The following FAT4 variants were observed in gnomAD, a reference collection of about 807,000 sequenced individuals.
FAT4 encodes protocadherin Fat 4.
Under a neutral mutation model 303.9 loss-of-function variants are expected in FAT4, and 84 were observed. The observed-to-expected ratio is 0.28, with a 90% CI of 0.23 to 0.33. FAT4 has a LOEUF of 0.33. FAT4 is among the 10% of genes least tolerant of loss of function. FAT4 has a pLI of 1.00. For missense variants in FAT4, 6,005 were observed against 6,146.8 expected (o/e 0.98, Z 0.77); for synonymous variants, 2,307 against 2,298.8 (o/e 1.00, Z -0.10).
chr4:125,373,691 A>G (rs144631528), intron 2 of FAT4, among the ~76,000 whole-genome samples: 194 of 152,260 alleles, frequency 1.3e-3, no homozygotes, highest in Non-Finnish European at 2.1e-3. Context: ...AAACCCTATG[A>G]CTGAGGTACT....
intron 2 of FAT4, among the ~76,000 whole-genome samples, chr4:125,348,577 G>A (rs1037785549): frequency 6.6e-6 from 1 of 151,580 alleles, no homozygotes; most frequent in South Asian, 2.1e-4. Context: ...GACCACTCAA[G>A]GTAGTACACT....
intron 2 of FAT4, among the ~76,000 whole-genome samples, chr4:125,339,751 G>A (rs1046690212): frequency 6.6e-6 from 1 of 152,120 alleles, no homozygotes; most frequent in African/African-American, 2.4e-5. Context: ...CAATTAGGAA[G>A]ACCTAGAGCC....
chr4:125,409,073 T>C (rs1734740121), intron 5 of FAT4, among the ~76,000 whole-genome samples: 1 of 152,140 alleles, frequency 6.6e-6, no homozygotes, highest in Non-Finnish European at 1.5e-5. Context: ...TTTAGCAATG[T>C]AGAAGTCATA....
At chr4:125,355,859 G>T (rs1200193773) in intron 2 of FAT4, among the ~76,000 whole-genome samples, 3 of 151,882 alleles carry the variant, frequency 2.0e-5, no homozygotes, top group Non-Finnish European at 4.4e-5. Flanking sequence ...TTTCTATAGG[G>T]CCAGAAGCCA....
chr4:125,455,181 G>A (rs977062618), intron 10 of FAT4, among the ~76,000 whole-genome samples: 13 of 152,058 alleles, frequency 8.5e-5, no homozygotes, highest in African/African-American at 2.9e-4. Context: ...TCACACTTAG[G>A]TTTAGATTGA....
rs377282354 is a variant in FAT4, at chr4:125,317,881, G to A, written c.1470G>A (p.Pro490=). The A allele has an allele frequency of 2.2e-5, 35 of 1,614,028 alleles. No individual in the cohort carries two copies. In the African/African-American group the frequency reaches 3.6e-4, roughly 17 times the overall value. Residue 490 remains proline (P), a synonymous_variant, in exon 2 of 18, where the codon CCG becomes CCA. Transcript: ENST00000394329. The surrounding 1 kb of genome is among the most constrained non-coding windows in gnomAD (Gnocchi z 7.0). ...YRVNLSEEAP[P]GSYVSGISAT... ...TGAACCTGAGCGAGGAGGCGCCTCC[G>A]GGAAGCTATGTGAGTGGGATATCTG...
intron 5 of FAT4, among the ~76,000 whole-genome samples, chr4:125,410,599 T>C (rs1734802301): frequency 6.6e-6 from 1 of 152,170 alleles, no homozygotes; most frequent in African/African-American, 2.4e-5. Context: ...ATGTTTCTTT[T>C]TGATTTATTA....
chr4:125,449,069 C>A lies in FAT4; in HGVS notation c.8059C>A (p.Arg2687=). The A allele has an allele frequency of 6.2e-7, 1 of 1,613,746 alleles. No individual in the cohort carries two copies. Among genetic ancestry groups the A allele is most frequent in the Non-Finnish European group, 8.5e-7 (1 of 1,179,844 alleles). The change falls in exon 10 of 18, where the codon CGA becomes AGA. Residue 2687 remains arginine, a synonymous_variant. Coordinates refer to ENST00000394329, the MANE Select transcript of FAT4 (RefSeq NM_001291303.3). Reference sequence around the variant, plus strand: ...TGAAATATTGGAAAACCTTTCCCCTCGAAAAATACTTACTGTTTCGGCAAT... The same window carrying A: ...TGAAATATTGGAAAACCTTTCCCCTAGAAAAATACTTACTGTTTCGGCAAT... The part of the protein sequence containing the change: ...ISEILENLSP[R]KILTVSAMDK...
intron 2 of FAT4, among the ~76,000 whole-genome samples, chr4:125,347,896 GT>G (rs1012680999): frequency 6.6e-6 from 1 of 151,754 alleles, no homozygotes; most frequent in African/African-American, 2.4e-5. Context: ...TTTATCAGTT[GT>G]TAAGAGTTAG....
chr4:125,377,678 A>T (rs1159002048), intron 2 of FAT4, among the ~76,000 whole-genome samples: 1 of 152,158 alleles, frequency 6.6e-6, no homozygotes, highest in Non-Finnish European at 1.5e-5. Context: ...TATAGGTAAA[A>T]TATGTTTTTC....
chr4:125,383,288 C>T (rs28615956), intron 2 of FAT4, among the ~76,000 whole-genome samples: 277 of 152,204 alleles, frequency 1.8e-3, no homozygotes, highest in African/African-American at 6.4e-3. Context: ...CACATGAACA[C>T]TTAGAGGCCA....
At chr4:125,384,398 T>A (rs1733659135) in intron 2 of FAT4, among the ~76,000 whole-genome samples, 1 of 152,234 alleles carries the variant, frequency 6.6e-6, no homozygotes, top group African/African-American at 2.4e-5. Context: ...AATTTTCATA[T>A]CTCAAATGAC....
Position 125,318,950 on chromosome 4 carries a change from C to G in FAT4, c.2539C>G (p.Gln847Glu). The change falls in exon 2 of 18, where the codon CAG becomes GAG. Residue 847 changes from glutamine to glutamate, a missense_variant. Coordinates refer to ENST00000394329, the MANE Select transcript of FAT4 (RefSeq NM_001291303.3). The stretch of plus-strand genomic sequence containing the variant: ...GTTTGCTATCAACCAGGTCACTGGG[C>G]AGCTTACCACAGCAAATGTGATTGA... Reference protein sequence around the residue: ...GMFAINQVTGQLTTANVIDRE... With the variant: ...GMFAINQVTGELTTANVIDRE... 1.6e-5 allele frequency: 26 copies of G among 1,614,160 alleles called. No individual in the cohort carries two copies. The highest frequency in any genetic ancestry group is 2.1e-5 in the Non-Finnish European group (25 of 1,180,028).
intron 2 of FAT4, among the ~76,000 whole-genome samples, chr4:125,366,247 C>G (rs1335793465): frequency 6.6e-6 from 1 of 152,142 alleles, no homozygotes; most frequent in African/African-American, 2.4e-5. Flanking sequence ...GCTCTCCCTC[C>G]TCCCATCCTC....
At chr4:125,401,526 T>C (rs1166236280) in intron 3 of FAT4, among the ~76,000 whole-genome samples, 1 of 151,932 alleles carries the variant, frequency 6.6e-6, no homozygotes, top group African/African-American at 2.4e-5. Flanking sequence ...AAATTATTTA[T>C]ATACTTTTCA....
At chr4:125,413,109 CA>C (rs1734909204) in intron 5 of FAT4, among the ~76,000 whole-genome samples, 1 of 151,440 alleles carries the variant, frequency 6.6e-6, no homozygotes, top group Non-Finnish European at 1.5e-5. Flanking sequence ...TATACACACA[CA>C]ATATAATGTA....
rs1730522765 is a variant in FAT4 at position 125,315,241 on chromosome 4, G to C, written c.-749G>C. On this transcript the variant is annotated 5_prime_UTR_variant, in exon 1 of 18. Transcript: ENST00000394329. ...GCGCTGACAGGCGCCGTCCGGAGCT[G>C]CGGAGGGCGTCACTACAGCCCAGCG... Among the ~76,000 whole-genome samples the C allele has an allele frequency of 6.6e-6, 1 of 152,140 alleles. No homozygotes were observed. The highest frequency in any genetic ancestry group is 2.1e-4 in the South Asian group (1 of 4,834).
chr4:125,481,080 A>G (rs1727207985), intron 15 of FAT4, among the ~76,000 whole-genome samples: 1 of 152,140 alleles, frequency 6.6e-6, no homozygotes, highest in Non-Finnish European at 1.5e-5. Context: ...TAAATACTTG[A>G]TTGAACACTT....
rs141217928 is a variant in FAT4 at position 125,362,001 on chromosome 4, A to G, written c.5176-36783A>G. Among the ~76,000 whole-genome samples the G allele has an allele frequency of 3.4e-4, 52 of 152,124 alleles. No homozygotes were observed. The East Asian group carries it at 7.8e-3, about 23-fold the overall frequency. On this transcript the variant is annotated intron_variant, in intron 2 of 17. Transcript: ENST00000394329. ...GATTCTATTATTTTCCCTACTAACC[A>G]TGGGTAGACTCTGGATCAGACTTCT...
Sources: allele counts gnomAD v4.1 joint callset (sites outside exome capture counted in the v4.1 genomes callset), GRCh38; gene constraint gnomAD v4.1.1; non-coding constraint Gnocchi (gnomAD v3.1); transcripts MANE v1.5; gene names NCBI Gene and HGNC (gene_info 2026-07-23, HGNC 2026-07-21).